Variants in CELF5 observed in about 807,000 individuals in gnomAD.
The protein encoded by CELF5 is CUGBP Elav-like family member 5, also known as CUG-BP and ETR-3 like factor 5.
Under a neutral mutation model 54.9 loss-of-function variants are expected in CELF5, and 6 were observed. That is an observed-to-expected ratio of 0.11 (90% CI 0.06 to 0.22). CELF5 has a LOEUF of 0.22. Ranked by LOEUF, CELF5 falls within the 10% of genes least tolerant of loss-of-function variation. The probability of loss-of-function intolerance (pLI) is 1.00; values close to 1 mark genes in which losing one functional copy is unlikely to be tolerated. For missense variants in CELF5, 401 were observed against 678.6 expected (o/e 0.59, Z 4.54); for synonymous variants, 271 against 290.9 (o/e 0.93, Z 0.70).
intron 10 of CELF5, among the ~76,000 whole-genome samples, chr19:3,288,382 C>T (rs1013411288): frequency 2.0e-5 from 3 of 151,800 alleles, no homozygotes; most frequent in Admixed American, 1.3e-4. Flanking sequence ...ATTAGCCGGG[C>T]GTGGTGACGC....
intron 4 of CELF5, 31 bp downstream of exon 4, chr19:3,276,015 A>T: frequency 4.0e-6 from 3 of 742,104 alleles, no homozygotes; most frequent in Non-Finnish European, 5.2e-6. Context: ...CGGGACTGCG[A>T]GAGGGGCCGG....
intron 1 of CELF5, among the ~76,000 whole-genome samples, chr19:3,225,268 C>T (rs1325645442): frequency 9.0e-6 from 1 of 111,324 alleles, no homozygotes; most frequent in Non-Finnish European, 1.9e-5. Context: ...CTCTCCCTCT[C>T]TCTCTCCCTC....
chr19:3,256,575 T>C (rs1202571882), intron 2 of CELF5, among the ~76,000 whole-genome samples: 2 of 144,110 alleles, frequency 1.4e-5, no homozygotes, highest in East Asian at 2.1e-4. Context: ...TTATTATTAT[T>C]AATTTTTTTT....
intron 1 of CELF5, among the ~76,000 whole-genome samples, chr19:3,242,244 C>T (rs998068383): frequency 1.2e-4 from 18 of 152,208 alleles, no homozygotes; most frequent in African/African-American, 4.3e-4. Context: ...TTTAAGCCCT[C>T]GACATTTGGC....
At chr19:3,274,334 G>A (rs1422384314) in intron 3 of CELF5, among the ~76,000 whole-genome samples, 2 of 152,230 alleles carry the variant, frequency 1.3e-5, no homozygotes, top group African/African-American at 2.4e-5. Flanking sequence ...ATGCTTAAAT[G>A]TGTGTGTATA....
At chr19:3,283,849 G>C (rs960388560) in intron 8 of CELF5, among the ~76,000 whole-genome samples, 2 of 151,210 alleles carry the variant, frequency 1.3e-5, no homozygotes, top group African/African-American at 4.9e-5. Flanking sequence ...TAGCGACAGA[G>C]TCTCACTCTG....
At chr19:3,269,888 C>T (rs2079934053) in intron 2 of CELF5, among the ~76,000 whole-genome samples, 1 of 152,140 alleles carries the variant, frequency 6.6e-6, no homozygotes, top group Non-Finnish European at 1.5e-5. Flanking sequence ...CTTGGCCTCC[C>T]GACCTCTCCC....
rs368118190 is a variant in CELF5, at chr19:3,253,138, C to T, written c.342+2071C>T. On this transcript the variant is annotated intron_variant, in intron 2 of 12. Coordinates refer to ENST00000292672, the MANE Select transcript of CELF5 (RefSeq NM_021938.4). Reference sequence around the variant, plus strand: ...GAAAGAAAGAAATCCCACAACCGAACAAAAAATCAAACCAACCAGAAGCTG... The same window carrying T: ...GAAAGAAAGAAATCCCACAACCGAATAAAAAATCAAACCAACCAGAAGCTG... Among the ~76,000 whole-genome samples the T allele has an allele frequency of 6.5e-4, 98 of 151,366 alleles. No individual in the cohort carries two copies. In the South Asian group the frequency reaches 9.9e-3, roughly 15 times the overall value.
Position 3,275,738 on chromosome 19 carries a change from G to A in CELF5, c.395-118G>A, listed in dbSNP as rs1428034795. On this transcript the variant is annotated intron_variant, in intron 3 of 12. Coordinates refer to ENST00000292672, the MANE Select transcript of CELF5 (RefSeq NM_021938.4). This position sits in a 1 kb window ranked among gnomAD's most constrained non-coding sequence, Gnocchi z 6.7. ...CGCACGCGCAGAACCGGAGCCGGCA[G>A]GGCCCGGGCGCCGCGTCTTCCTGCC... 7.9e-6 allele frequency: 9 copies of A among 1,137,984 alleles called. No homozygotes were observed. The highest frequency in any genetic ancestry group is 1.1e-5 in the Non-Finnish European group (9 of 829,884). 70.5% of individuals were successfully genotyped at this position (1,137,984 alleles called of 1,614,324 possible). A position where few individuals can be genotyped will look rare whatever the true frequency, so the allele number is the denominator to read the frequency against.
Position 3,282,348 on chromosome 19 carries a change from G to T in CELF5, c.893-4G>T, listed in dbSNP as rs2080167477. ...CCTCCCCATGACCCTCTTCCGCTCT[G>T]CAGGGCTGCACTCACCCCCGCTGCT... is the stretch of plus-strand genomic sequence containing the variant. On this transcript the variant is annotated splice_polypyrimidine_tract_variant and splice_region_variant and intron_variant, in intron 7 of 12. Transcript: ENST00000292672. The surrounding 1 kb of genome is among the most constrained non-coding windows in gnomAD (Gnocchi z 5.2). 5 of 1,608,874 alleles carry T rather than the reference G, an allele frequency of 3.1e-6. No individual in the cohort carries two copies. Among genetic ancestry groups the T allele is most frequent in the Non-Finnish European group, 4.2e-6 (5 of 1,179,924 alleles).
intron 2 of CELF5, among the ~76,000 whole-genome samples, chr19:3,251,652 C>CTTTTTTTTTT (rs1195812856): frequency 7.8e-4 from 52 of 67,086 alleles, no homozygotes; most frequent in East Asian, 1.0e-3. Flanking sequence ...ACAAGGGCTT[C>CTTTTTTTTTT]TTTTTTTTTT....
chr19:3,261,996 C>T lies in CELF5; in HGVS notation c.342+10929C>T, dbSNP rs114063496. On this transcript the variant is annotated intron_variant, in intron 2 of 12. Transcript: ENST00000292672. Reference sequence around the variant, plus strand: ...AGGCTGTTGAGCCTTTGAATTGGGACGAGTGTACTCAGAAACTGATTTTTA... The same window carrying T: ...AGGCTGTTGAGCCTTTGAATTGGGATGAGTGTACTCAGAAACTGATTTTTA... 4.0e-3 allele frequency among the ~76,000 whole-genome samples: 615 copies of T among 152,000 alleles called. 3 individuals carry two copies. The highest frequency in any genetic ancestry group is 0.014 in the African/African-American group (591 of 41,472).
chr19:3,257,020 G>T (rs2079737487), intron 2 of CELF5, among the ~76,000 whole-genome samples: 1 of 152,088 alleles, frequency 6.6e-6, no homozygotes, highest in African/African-American at 2.4e-5. Flanking sequence ...TGTAGCCCAG[G>T]CCCGTCCCGA....
At chr19:3,271,903 G>C (rs1440273540) in intron 2 of CELF5, among the ~76,000 whole-genome samples, 2 of 152,152 alleles carry the variant, frequency 1.3e-5, no homozygotes, top group African/African-American at 2.4e-5. Context: ...TATGGCAGTG[G>C]GTGGACAGAT....
chr19:3,282,467 C>T lies in CELF5; in HGVS notation c.1008C>T (p.Thr336=), dbSNP rs151174290. Residue 336 remains threonine, a synonymous_variant, in exon 8 of 13, where the codon ACC becomes ACT. Transcript: ENST00000292672. This position sits in a 1 kb window ranked among gnomAD's most constrained non-coding sequence, Gnocchi z 5.2. ...CAGGTGGGCACCCTGCCCTGGAAACCGTCTATGCCAATGGCCTTGTGCCCT... is the reference window on the plus strand; with the variant it reads ...CAGGTGGGCACCCTGCCCTGGAAACTGTCTATGCCAATGGCCTTGTGCCCT... ...PFPGGHPALE[T]VYANGLVPYP... is the part of the protein sequence containing the mutation. 1.7e-3 allele frequency: 2,717 copies of T among 1,613,702 alleles called. 7 individuals are homozygous for T. The highest frequency in any genetic ancestry group is 2.0e-3 in the South Asian group (181 of 91,048).
chr19:3,254,795 T>TATCC (rs572644128), intron 2 of CELF5, among the ~76,000 whole-genome samples: 2 of 143,074 alleles, frequency 1.4e-5, no homozygotes, highest in South Asian at 4.5e-4. Flanking sequence ...TTTGCCCTTT[T>TATCC]ATCCATCCAT....
rs760084831 is a variant in CELF5 at position 3,250,974 on chromosome 19, C to T, written c.260-11C>T. 8.1e-5 allele frequency: 130 copies of T among 1,611,696 alleles called. 2 individuals are homozygous for T. In the South Asian group the frequency reaches 1.4e-3, roughly 17 times the overall value. On this transcript the variant is annotated splice_polypyrimidine_tract_variant and intron_variant, in intron 1 of 12. Coordinates refer to ENST00000292672, the MANE Select transcript of CELF5 (RefSeq NM_021938.4). ...GTGCTCTCTTAACACCCCCGTTTCT[C>T]TCCCTTCCAGGCTGTGCCTTCCTCA...
rs2080005261 is a variant in CELF5 at position 3,273,865 on chromosome 19, T to C, written c.343-7T>C. 6.2e-7 allele frequency: 1 copy of C among 1,609,832 alleles called. No homozygotes were observed. The highest frequency in any genetic ancestry group is 1.3e-5 in the African/African-American group (1 of 74,698). On this transcript the variant is annotated splice_region_variant and splice_polypyrimidine_tract_variant and intron_variant, in intron 2 of 12. Coordinates refer to ENST00000292672, the MANE Select transcript of CELF5 (RefSeq NM_021938.4). ...GCTTGACTTTTCCCTTCCCCCTCTC[T>C]CTGCAGATGGCGCGGCCAATCCAGG...
At chr19:3,276,591 G>A (rs2080057184) in intron 4 of CELF5, among the ~76,000 whole-genome samples, 1 of 149,868 alleles carries the variant, frequency 6.7e-6, no homozygotes, top group Admixed American at 6.6e-5. Context: ...CTGGTTCACA[G>A]GGGTTGGGTG....
Sources: allele counts gnomAD v4.1 joint callset (sites outside exome capture counted in the v4.1 genomes callset), GRCh38; gene constraint gnomAD v4.1.1; non-coding constraint Gnocchi (gnomAD v3.1); transcripts MANE v1.5; gene names NCBI Gene and HGNC (gene_info 2026-07-23, HGNC 2026-07-21).